PIP5K1B: variants seen among roughly 807,000 people sequenced by gnomAD.
PIP5K1B encodes the protein phosphatidylinositol-4-phosphate 5-kinase type 1 beta, also known as phosphatidylinositol 4-phosphate 5-kinase type-1 beta.
Under a neutral mutation model 67.0 loss-of-function variants are expected in PIP5K1B, and 42 were observed. That is an observed-to-expected ratio of 0.63 (90% CI 0.49 to 0.81). PIP5K1B has a LOEUF of 0.81. Among genes scored for constraint, PIP5K1B ranks in the 30% least tolerant of loss-of-function variants. The pLI is 0.00. For synonymous variants in PIP5K1B, 214 were observed against 231.4 expected (o/e 0.92, Z 0.68); for missense variants, 459 against 646.3 (o/e 0.71, Z 3.14).
intron 2 of PIP5K1B, chr9:68,788,216 G>T: frequency 3.0e-6 from 1 of 338,230 alleles, no homozygotes. Flanking sequence ...GGGCCCAGGA[G>T]GGGACTGTCC....
chr9:68,941,198 G>T, intron 14 of PIP5K1B: 1 of 439,118 alleles, frequency 2.3e-6, no homozygotes, highest in Non-Finnish European at 4.5e-6. Context: ...CAGAATAATT[G>T]CTCCCCCAAA....
chr9:68,758,158 G>A (rs1471883537), intron 2 of PIP5K1B, among the ~76,000 whole-genome samples: 1 of 152,112 alleles, frequency 6.6e-6, no homozygotes, highest in Non-Finnish European at 1.5e-5. Context: ...TTCTCAGTAG[G>A]ATTGAAACAA....
rs140706490 is a variant in PIP5K1B at position 68,780,574 on chromosome 9, T to C, written c.-85-37887T>C. 11 of 1,614,126 alleles carry C rather than the reference T, an allele frequency of 6.8e-6. No homozygotes were observed. The highest frequency in any genetic ancestry group is 8.5e-6 in the Non-Finnish European group (10 of 1,180,032). ...GAGAAATCCGCCTCCCCCAAGCGCA[T>C]CGATTTCATTCCTGTGTCACCAGCA... On this transcript the variant is annotated intron_variant, in intron 2 of 15. Transcript: ENST00000265382.
intron 7 of PIP5K1B, among the ~76,000 whole-genome samples, chr9:68,889,430 T>A (rs968005293): frequency 4.6e-5 from 7 of 152,068 alleles, no homozygotes; most frequent in Non-Finnish European, 7.4e-5. Context: ...GTTCCCTCAG[T>A]CTTTAAAGGC....
At chr9:68,901,787 G>T (rs1181447306) in intron 8 of PIP5K1B, among the ~76,000 whole-genome samples, 1 of 152,158 alleles carries the variant, frequency 6.6e-6, no homozygotes, top group East Asian at 1.9e-4. Context: ...AACAGTAAAA[G>T]AATGCCTTCT....
At chr9:68,706,220 C>G (rs902422412) in intron 1 of PIP5K1B, 1 of 152,340 alleles carries the variant, frequency 6.6e-6, no homozygotes, top group Non-Finnish European at 1.5e-5. Context: ...CCGGATTGAA[C>G]AGGTGCGGTA....
At chr9:68,895,736 A>G (rs747663207) in intron 8 of PIP5K1B, among the ~76,000 whole-genome samples, 37 of 151,462 alleles carry the variant, frequency 2.4e-4, no homozygotes, top group Non-Finnish European at 5.2e-4. Context: ...TGTTACTCCT[A>G]TTGTTTAGCT....
intron 7 of PIP5K1B, among the ~76,000 whole-genome samples, chr9:68,892,354 G>C (rs569328471): frequency 6.6e-6 from 1 of 152,282 alleles, no homozygotes; most frequent in Admixed American, 6.5e-5. Flanking sequence ...TAGTAGGCCT[G>C]CTATAGCATA....
intron 6 of PIP5K1B, among the ~76,000 whole-genome samples, chr9:68,881,900 C>T (rs1311697154): frequency 1.3e-5 from 2 of 152,194 alleles, no homozygotes; most frequent in Non-Finnish European, 1.5e-5. Flanking sequence ...TGAGTCTTTT[C>T]AGGCTCACCT....
At chr9:68,896,995 A>G (rs1264057236) in intron 8 of PIP5K1B, among the ~76,000 whole-genome samples, 1 of 152,046 alleles carries the variant, frequency 6.6e-6, no homozygotes, top group East Asian at 1.9e-4. Context: ...TCTTCAGGTC[A>G]TCCTCTGAAA....
intron 4 of PIP5K1B, among the ~76,000 whole-genome samples, chr9:68,858,543 G>C (rs1300980651): frequency 1.3e-5 from 2 of 152,156 alleles, no homozygotes; most frequent in Non-Finnish European, 2.9e-5. Context: ...ATCAGGCGTG[G>C]GAGTTGGTGG....
At chr9:68,797,067 T>C (rs1356316313) in intron 2 of PIP5K1B, among the ~76,000 whole-genome samples, 1 of 152,218 alleles carries the variant, frequency 6.6e-6, no homozygotes, top group Admixed American at 6.5e-5. Flanking sequence ...TAATTATTCA[T>C]TTTTTCAATA....
intron 13 of PIP5K1B, among the ~76,000 whole-genome samples, chr9:68,938,008 T>A (rs571253588): frequency 3.3e-5 from 5 of 152,318 alleles, no homozygotes; most frequent in African/African-American, 1.2e-4. Context: ...GAGGAGTGTT[T>A]TACTTCCAAT....
chr9:68,869,888 C>G (rs1057171138), intron 5 of PIP5K1B, among the ~76,000 whole-genome samples: 1 of 152,008 alleles, frequency 6.6e-6, no homozygotes, highest in Non-Finnish European at 1.5e-5. Context: ...CATTCTGCAC[C>G]AGTTTTTATG....
intron 13 of PIP5K1B, among the ~76,000 whole-genome samples, chr9:68,936,214 G>A (rs995419533): frequency 6.6e-6 from 1 of 151,816 alleles, no homozygotes; most frequent in Non-Finnish European, 1.5e-5. Context: ...AGGACTTCTT[G>A]TACAATGATA....
intron 2 of PIP5K1B, among the ~76,000 whole-genome samples, chr9:68,790,594 G>A (rs549294463): frequency 4.2e-4 from 58 of 139,246 alleles, no homozygotes; most frequent in African/African-American, 1.3e-3. Context: ...GCACATGAGC[G>A]CGCACACACA....
At chr9:68,843,436 T>C (rs73457678) in intron 4 of PIP5K1B, among the ~76,000 whole-genome samples, 1 of 152,242 alleles carries the variant, frequency 6.6e-6, no homozygotes, top group African/African-American at 2.4e-5. Context: ...ATTTGGGGGT[T>C]TTCCCCATTG....
At chr9:68,788,828 G>GA (rs1831786792) in intron 2 of PIP5K1B, 1 of 238,828 alleles carries the variant, frequency 4.2e-6, no homozygotes, top group Non-Finnish European at 8.6e-6. Flanking sequence ...CTCAGAAACT[G>GA]ATATTATATT....
intron 1 of PIP5K1B, among the ~76,000 whole-genome samples, chr9:68,736,785 A>G (rs1189272684): frequency 6.6e-6 from 1 of 152,176 alleles, no homozygotes; most frequent in African/African-American, 2.4e-5. Flanking sequence ...GTGCATTTGG[A>G]TAATCTCCCC....
Sources: allele counts gnomAD v4.1 joint callset (sites outside exome capture counted in the v4.1 genomes callset), GRCh38; gene constraint gnomAD v4.1.1; transcripts MANE v1.5; gene names NCBI Gene and HGNC (gene_info 2026-07-23, HGNC 2026-07-21).